The following CSK variants were observed in gnomAD, a reference collection of about 807,000 sequenced individuals.
CSK encodes C-terminal Src kinase.
CSK carries 7 observed loss-of-function variants against 62.3 expected under a neutral mutation model. The ratio of observed to expected loss-of-function variants is 0.11; its 90% CI spans 0.06 to 0.21. The LOEUF (loss-of-function observed/expected upper bound fraction) is 0.21. CSK is among the 10% of genes least tolerant of loss of function. The pLI, the probability that CSK is intolerant of heterozygous loss-of-function variation, is 1.00. For missense variants in CSK, 294 were observed against 613.5 expected (o/e 0.48, Z 5.50); for synonymous variants, 237 against 246.0 (o/e 0.96, Z 0.34).
At chr15:74,797,611 G>C (rs1028695071) in intron 1 of CSK, among the ~76,000 whole-genome samples, 10 of 152,180 alleles carry the variant, frequency 6.6e-5, no homozygotes. Flanking sequence ...GTTTACTGCT[G>C]TACGTAGTCC....
chr15:74,795,115 C>G (rs540817663), intron 1 of CSK, among the ~76,000 whole-genome samples: 1 of 152,228 alleles, frequency 6.6e-6, no homozygotes, highest in South Asian at 2.1e-4. Context: ...CTGCCTGACA[C>G]CTTTGCTCAG....
In CSK at chr15:74,801,615, G is replaced by C. The variant is rs2141102048; in HGVS notation, c.887+20G>C. 2 of 1,613,214 alleles carry C rather than the reference G, an allele frequency of 1.2e-6. No individual in the cohort carries two copies. Among genetic ancestry groups the C allele is most frequent in the East Asian group, 2.2e-5 (1 of 44,874 alleles). On this transcript the variant is annotated intron_variant, in intron 10 of 12. Transcript: ENST00000220003. ...CTCGCTGTGAGTGAAGCAGCCTCTTGGATGGGTAGGGTTTGAGGGGTACCC... is the reference window on the plus strand; with the variant it reads ...CTCGCTGTGAGTGAAGCAGCCTCTTCGATGGGTAGGGTTTGAGGGGTACCC...
At chr15:74,795,068 T>A (rs916634881) in intron 1 of CSK, among the ~76,000 whole-genome samples, 1 of 152,122 alleles carries the variant, frequency 6.6e-6, no homozygotes, top group African/African-American at 2.4e-5. Context: ...CACCATCGGC[T>A]TCCACCTGGG....
chr15:74,801,195 C>A, intron 9 of CSK, 93 bp downstream of exon 9: 1 of 1,410,444 alleles, frequency 7.1e-7, no homozygotes, highest in Admixed American at 1.7e-5. Context: ...GTCCCCCGAC[C>A]CCAAGTGAGC....
At chr15:74,797,615 G>A (rs2063726861) in intron 1 of CSK, among the ~76,000 whole-genome samples, 1 of 152,154 alleles carries the variant, frequency 6.6e-6, no homozygotes, top group Admixed American at 6.5e-5. Context: ...ACTGCTGTAC[G>A]TAGTCCCTTT....
At chr15:74,784,780 A>G (rs2063491335) in intron 1 of CSK, among the ~76,000 whole-genome samples, 1 of 152,118 alleles carries the variant, frequency 6.6e-6, no homozygotes, top group African/African-American at 2.4e-5. Context: ...AAGGGGGCAG[A>G]CCCACCTGGG....
chr15:74,799,725 C>T (rs1377109264), intron 5 of CSK, among the ~76,000 whole-genome samples: 4 of 152,166 alleles, frequency 2.6e-5, no homozygotes, highest in African/African-American at 9.7e-5. Context: ...TTTTATAGAC[C>T]AGGAGTTGAA....
Position 74,801,898 on chromosome 15 carries a change from T to C in CSK, c.1083+8T>C. Reference sequence around the variant, plus strand: ...GAGGCCCTGAGAGAGAAGGTGGGGCTGGCCTCCCCTGGGGCCTACAGAGGT... The same window carrying C: ...GAGGCCCTGAGAGAGAAGGTGGGGCCGGCCTCCCCTGGGGCCTACAGAGGT... On this transcript the variant is annotated splice_region_variant and intron_variant, in intron 11 of 12. Coordinates refer to ENST00000220003, the MANE Select transcript of CSK (RefSeq NM_004383.3). 1 of 1,609,176 alleles carries C rather than the reference T, an allele frequency of 6.2e-7. No homozygotes were observed. Among genetic ancestry groups the C allele is most frequent in the Non-Finnish European group, 8.5e-7 (1 of 1,176,482 alleles).
intron 1 of CSK, among the ~76,000 whole-genome samples, chr15:74,790,268 G>C (rs557961429): frequency 6.6e-6 from 1 of 152,326 alleles, no homozygotes; most frequent in Admixed American, 6.5e-5. Context: ...AGGCTCCCAC[G>C]CCCCATTAGG....
In CSK at chr15:74,798,369, T is replaced by C. The variant is rs1285317801; in HGVS notation, c.15+57T>C. The C allele has an allele frequency of 6.9e-6, 11 of 1,586,438 alleles. No homozygotes were observed. The highest frequency in any genetic ancestry group is 7.7e-6 in the Non-Finnish European group (9 of 1,163,926). Reference sequence around the variant, plus strand: ...AGCATTCCCACCAGCCCCAGCGGGGTGCTTAGCAGAGGAGAGAGGATGCAG... The same window carrying C: ...AGCATTCCCACCAGCCCCAGCGGGGCGCTTAGCAGAGGAGAGAGGATGCAG... On this transcript the variant is annotated intron_variant, in intron 2 of 12. Transcript: ENST00000220003. The surrounding 1 kb of genome is among the most constrained non-coding windows in gnomAD (Gnocchi z 6.6).
rs1004968306 is a variant in CSK at position 74,798,818 on chromosome 15, C to T, written c.130-8C>T. Reference sequence around the variant, plus strand: ...CCTGAGAGCATGTCTGGGCTGCCCTCTCCCCAGGACCCCAACTGGTACAAA... The same window carrying T: ...CCTGAGAGCATGTCTGGGCTGCCCTTTCCCCAGGACCCCAACTGGTACAAA... On this transcript the variant is annotated splice_polypyrimidine_tract_variant and splice_region_variant and intron_variant, in intron 3 of 12. Coordinates refer to ENST00000220003, the MANE Select transcript of CSK (RefSeq NM_004383.3). The surrounding 1 kb of genome is among the most constrained non-coding windows in gnomAD (Gnocchi z 6.6). 5.6e-6 allele frequency: 9 copies of T among 1,601,680 alleles called. No homozygotes were observed. The highest frequency in any genetic ancestry group is 1.7e-4 in the Middle Eastern group (1 of 6,008).
intron 12 of CSK, 48 bp from the exon 13 acceptor site, chr15:74,802,283 T>C: frequency 6.5e-7 from 1 of 1,526,722 alleles, no homozygotes; most frequent in Non-Finnish European, 8.8e-7. Flanking sequence ...GTAGGTGTCC[T>C]CTCTGAGGCC....
rs141077017 is a variant in CSK at position 74,786,090 on chromosome 15, A to T, written c.-66+3370A>T. 1.6e-3 allele frequency among the ~76,000 whole-genome samples: 232 copies of T among 141,916 alleles called. 1 individual carries two copies. The highest frequency in any genetic ancestry group is 4.8e-3 in the African/African-American group (179 of 37,658). The allele number at this position is 141,916 out of a possible 152,430, so 93.1% of individuals were successfully genotyped here. On this transcript the variant is annotated intron_variant, in intron 1 of 12. Transcript: ENST00000220003. ...GCCCAGTCTGGAGTGCAATGGCGCG[A>T]TCTTGGCTCACCACAACCTCCGGCT...
chr15:74,799,616 G>A (rs2063758308), intron 5 of CSK, 125 bp downstream of exon 5: 1 of 993,130 alleles, frequency 1.0e-6, no homozygotes, highest in Non-Finnish European at 1.5e-6. Flanking sequence ...CAACTTCTGT[G>A]AGCCCTTGTT....
intron 1 of CSK, among the ~76,000 whole-genome samples, chr15:74,784,660 G>C (rs999467052): frequency 4.6e-5 from 7 of 152,222 alleles, no homozygotes; most frequent in African/African-American, 1.4e-4. Flanking sequence ...GCCACACAGA[G>C]TGGCCCTCGG....
rs369736709 is a variant in CSK at position 74,797,954 on chromosome 15, G to A, written c.-65-279G>A. ...CCAGGCCTGGGGCTGACGGTCAGGT[G>A]TCCATTGTCCCACTAGCCCCCTTTG... is the stretch of plus-strand genomic sequence containing the variant. On this transcript the variant is annotated intron_variant, in intron 1 of 12. Transcript: ENST00000220003. 4.3e-4 allele frequency: 98 copies of A among 227,282 alleles called. 2 individuals carry two copies. The highest frequency in any genetic ancestry group is 6.1e-5 in the Non-Finnish European group (7 of 114,416). The allele number at this position is 227,282 out of a possible 1,614,324, so 14.1% of individuals were successfully genotyped here.
At chr15:74,784,897 T>C (rs1317745774) in intron 1 of CSK, among the ~76,000 whole-genome samples, 1 of 152,132 alleles carries the variant, frequency 6.6e-6, no homozygotes, top group Non-Finnish European at 1.5e-5. Context: ...AGGGACAGAT[T>C]CTCATATGTC....
At chr15:74,789,074 C>T (rs1202062916) in intron 1 of CSK, among the ~76,000 whole-genome samples, 3 of 152,244 alleles carry the variant, frequency 2.0e-5, no homozygotes, top group Non-Finnish European at 4.4e-5. Flanking sequence ...GCCCCCACCT[C>T]TCCCAAACCA....
intron 1 of CSK, among the ~76,000 whole-genome samples, chr15:74,784,845 C>T (rs1184186920): frequency 1.3e-5 from 2 of 152,194 alleles, no homozygotes; most frequent in African/African-American, 4.8e-5. Flanking sequence ...AGGTCATCTT[C>T]AAAGAGCCAG....
Sources: gnomAD v4.1 joint callset for allele counts (sites outside exome capture counted in the v4.1 genomes callset) on GRCh38, gnomAD v4.1.1 for gene constraint, Gnocchi (gnomAD v3.1) non-coding constraint, MANE v1.5 for transcripts, NCBI Gene and HGNC (gene_info 2026-07-23, HGNC 2026-07-21) for gene names.